ADAMTSL1: variants seen among roughly 807,000 people sequenced by gnomAD.
ADAMTSL1 encodes ADAMTS like 1.
ADAMTSL1 carries 126 observed loss-of-function variants against 201.8 expected under a neutral mutation model. The observed-to-expected ratio is 0.62, with a 90% CI of 0.54 to 0.72. The LOEUF (loss-of-function observed/expected upper bound fraction) is 0.72, where lower values mean the gene tolerates loss of function less well. Among genes scored for constraint, ADAMTSL1 ranks in the 30% least tolerant of loss-of-function variants. The pLI, the probability that ADAMTSL1 is intolerant of heterozygous loss-of-function variation, is 0.00. For missense variants in ADAMTSL1, 2,679 were observed against 2,277.8 expected, an observed-to-expected ratio of 1.18 and a Z score of -3.59; for synonymous variants, 1,121 against 903.4, an observed-to-expected ratio of 1.24 and a Z score of -4.32.
At chr9:18,316,820 C>G (rs1416440600) in intron 2 of ADAMTSL1, among the ~76,000 whole-genome samples, 1 of 152,158 alleles carries the variant, frequency 6.6e-6, no homozygotes, top group Non-Finnish European at 1.5e-5. Flanking sequence ...TCCATGAAAT[C>G]TTTACAATCC....
intron 3 of ADAMTSL1, among the ~76,000 whole-genome samples, chr9:18,546,958 C>A (rs574633046): frequency 2.4e-4 from 37 of 152,214 alleles, no homozygotes; most frequent in African/African-American, 8.7e-4. Context: ...CTCATAAGGT[C>A]TTCTAAATTT....
intron 2 of ADAMTSL1, among the ~76,000 whole-genome samples, chr9:18,419,720 C>T (rs904205105): frequency 1.3e-4 from 19 of 148,826 alleles, no homozygotes; most frequent in African/African-American, 4.7e-4. Flanking sequence ...TGTATAATCT[C>T]ATTTATTTGA....
intron 23 of ADAMTSL1, among the ~76,000 whole-genome samples, chr9:18,849,792 A>G (rs1020997833): frequency 1.3e-5 from 2 of 152,240 alleles, no homozygotes; most frequent in African/African-American, 4.8e-5. Flanking sequence ...ATGCTTTGCT[A>G]TTAAGAAGAA....
chr9:18,468,105 T>A (rs1821074292), intron 2 of ADAMTSL1, among the ~76,000 whole-genome samples: 1 of 152,128 alleles, frequency 6.6e-6, no homozygotes, highest in South Asian at 2.1e-4. Flanking sequence ...CAAAAGACAG[T>A]TTATTTGTTG....
chr9:18,637,792 C>G (rs1827194342), intron 6 of ADAMTSL1, among the ~76,000 whole-genome samples: 2 of 151,978 alleles, frequency 1.3e-5, no homozygotes. Context: ...TATTTTGGAC[C>G]AAACCAGAAT....
chr9:18,050,214 A>C (rs925677873), intron 1 of ADAMTSL1, among the ~76,000 whole-genome samples: 1 of 152,228 alleles, frequency 6.6e-6, no homozygotes, highest in Non-Finnish European at 1.5e-5. Context: ...TAAAATAAAA[A>C]TTTGGTATCT....
intron 1 of ADAMTSL1, among the ~76,000 whole-genome samples, chr9:18,142,319 A>C (rs1291721107): frequency 6.6e-6 from 1 of 152,210 alleles, no homozygotes; most frequent in African/African-American, 2.4e-5. Flanking sequence ...TATTTCTTCA[A>C]GGTTCTTGCT....
At chr9:18,149,271 A>C (rs1320123745) in intron 1 of ADAMTSL1, among the ~76,000 whole-genome samples, 1 of 152,004 alleles carries the variant, frequency 6.6e-6, no homozygotes, top group Non-Finnish European at 1.5e-5. Flanking sequence ...AGTCAGATGG[A>C]ACTGAAAATG....
intron 16 of ADAMTSL1, among the ~76,000 whole-genome samples, chr9:18,768,474 T>TTC (rs1820490281): frequency 1.3e-5 from 2 of 151,152 alleles, no homozygotes; most frequent in South Asian, 2.1e-4. Context: ...TTTTTTTTTT[T>TTC]CTGTAAAGTG....
intron 2 of ADAMTSL1, among the ~76,000 whole-genome samples, chr9:18,383,004 G>C (rs1047494087): frequency 6.6e-6 from 1 of 152,136 alleles, no homozygotes. Flanking sequence ...AGTAAACCCT[G>C]TGTTCTCTCC....
rs1220032741 is a variant in ADAMTSL1, at chr9:18,099,341, ATATATATATATATATTTT to A, written c.88-64519_88-64502del. Among the ~76,000 whole-genome samples the A allele has an allele frequency of 1.8e-4, 8 of 45,450 alleles. 1 individual carries two copies. Among genetic ancestry groups the A allele is most frequent in the African/African-American group, 6.4e-4 (8 of 12,458 alleles). 29.8% of individuals were successfully genotyped at this position (45,450 alleles called of 152,430 possible). ...GCAAATGGAAAATATATATATATAT[ATATATATATATATATTTT>A]TTTTTTTTTTTTTAACATCCATTAA... On this transcript the variant is annotated intron_variant, in intron 1 of 29. Transcript: ENST00000680146.
intron 26 of ADAMTSL1, among the ~76,000 whole-genome samples, chr9:18,893,047 C>G (rs1292526235): frequency 2.0e-5 from 3 of 151,630 alleles, no homozygotes; most frequent in African/African-American, 7.3e-5. Flanking sequence ...AGCTACCGCT[C>G]AATGCTAGCC....
At chr9:18,172,384 T>A (rs1827939775) in intron 2 of ADAMTSL1, among the ~76,000 whole-genome samples, 1 of 152,090 alleles carries the variant, frequency 6.6e-6, no homozygotes. Flanking sequence ...AAAGAGGTTC[T>A]CAGCCTTACT....
chr9:18,575,033 C>G (rs1020140201), intron 4 of ADAMTSL1, among the ~76,000 whole-genome samples: 3 of 152,124 alleles, frequency 2.0e-5, no homozygotes, highest in Admixed American at 6.5e-5. Context: ...TTTTATATTT[C>G]ATGAAGCAGA....
intron 3 of ADAMTSL1, among the ~76,000 whole-genome samples, chr9:18,551,019 CAG>C (rs1300750729): frequency 1.3e-5 from 2 of 151,700 alleles, no homozygotes; most frequent in African/African-American, 4.8e-5. Context: ...TCCAAACTAA[CAG>C]AGAAAATCTG....
intron 23 of ADAMTSL1, among the ~76,000 whole-genome samples, chr9:18,879,305 G>A (rs1215236409): frequency 6.6e-6 from 1 of 152,164 alleles, no homozygotes; most frequent in East Asian, 1.9e-4. Context: ...ACTGAGACCA[G>A]AGAACCCTAC....
At chr9:18,020,442 T>C (rs974233164) in intron 1 of ADAMTSL1, among the ~76,000 whole-genome samples, 2 of 152,096 alleles carry the variant, frequency 1.3e-5, no homozygotes, top group Non-Finnish European at 1.5e-5. Context: ...GGGGAAGCTC[T>C]GTGTAGAGGG....
intron 15 of ADAMTSL1, among the ~76,000 whole-genome samples, chr9:18,739,720 C>A (rs1286360156): frequency 1.3e-5 from 2 of 152,190 alleles, no homozygotes; most frequent in Non-Finnish European, 2.9e-5. Context: ...CACGTCAACA[C>A]CCTTTAGGGC....
intron 1 of ADAMTSL1, among the ~76,000 whole-genome samples, chr9:18,064,765 G>C (rs1472059660): frequency 6.6e-6 from 1 of 151,632 alleles, no homozygotes; most frequent in East Asian, 1.9e-4. Flanking sequence ...CTTTTTGGGA[G>C]GGTTATATAA....
Sources: allele counts gnomAD v4.1 joint callset (sites outside exome capture counted in the v4.1 genomes callset), GRCh38; gene constraint gnomAD v4.1.1; transcripts MANE v1.5; gene names NCBI Gene and HGNC (gene_info 2026-07-23, HGNC 2026-07-21).